The following AGBL1 variants were observed in gnomAD, a reference collection of about 807,000 sequenced individuals.
AGBL1 encodes cytosolic carboxypeptidase 4.
AGBL1 carries 130 observed loss-of-function variants against 118.9 expected under a neutral mutation model. That is an observed-to-expected ratio of 1.09 (90% confidence interval 0.95 to 1.26). The LOEUF (loss-of-function observed/expected upper bound fraction) is 1.26, where lower values mean the gene tolerates loss of function less well. Among genes scored for constraint, AGBL1 ranks in the 50% most tolerant of loss-of-function variants. The pLI is 0.00. For missense variants in AGBL1, 1,584 were observed against 1,298.1 expected, an observed-to-expected ratio of 1.22 and a Z score of -3.38; for synonymous variants, 555 against 478.9, an observed-to-expected ratio of 1.16 and a Z score of -2.08.
At chr15:86,815,626 C>T (rs907559399) in intron 22 of AGBL1, among the ~76,000 whole-genome samples, 10 of 152,168 alleles carry the variant, frequency 6.6e-5, no homozygotes, top group African/African-American at 2.4e-4. Context: ...AAGACAAGCA[C>T]CCAGGAGATA....
intron 18 of AGBL1, among the ~76,000 whole-genome samples, chr15:86,486,536 C>A (rs2082714661): frequency 6.6e-6 from 1 of 152,108 alleles, no homozygotes; most frequent in Admixed American, 6.6e-5. Flanking sequence ...AAAACCCAGG[C>A]ACCTGGGCAC....
chr15:87,014,672 C>T (rs1173718331), intron 24 of AGBL1, among the ~76,000 whole-genome samples: 5 of 152,186 alleles, frequency 3.3e-5, no homozygotes, highest in Non-Finnish European at 4.4e-5. Flanking sequence ...GAAGAGTACC[C>T]GGATATTTCA....
chr15:86,741,476 G>C (rs2077679300), intron 22 of AGBL1, among the ~76,000 whole-genome samples: 2 of 131,098 alleles, frequency 1.5e-5, no homozygotes, highest in Admixed American at 8.0e-5. Flanking sequence ...TGAATGATTA[G>C]AAAGAAAATA....
intron 22 of AGBL1, among the ~76,000 whole-genome samples, chr15:86,889,148 T>C (rs2080014239): frequency 6.6e-6 from 1 of 152,112 alleles, no homozygotes; most frequent in African/African-American, 2.4e-5. Flanking sequence ...CATGCCATAG[T>C]TTATCCTTAT....
At chr15:86,533,901 G>T (rs2142224797) in intron 19 of AGBL1, among the ~76,000 whole-genome samples, 1 of 87,614 alleles carries the variant, frequency 1.1e-5, no homozygotes, top group Non-Finnish European at 2.1e-5. Context: ...TCATAGGTGG[G>T]AATTGAACAA....
intron 22 of AGBL1, among the ~76,000 whole-genome samples, chr15:86,858,315 G>C (rs969201304): frequency 1.3e-5 from 2 of 152,186 alleles, no homozygotes; most frequent in African/African-American, 4.8e-5. Context: ...TCAGTGTCAT[G>C]GGGCCTTGTG....
At chr15:86,286,146 A>G (rs1480155730) in intron 16 of AGBL1, among the ~76,000 whole-genome samples, 1 of 148,670 alleles carries the variant, frequency 6.7e-6, no homozygotes, top group East Asian at 2.0e-4. Flanking sequence ...TTTATTATTT[A>G]TTTTTAATTT....
chr15:86,616,463 G>A (rs545648790), intron 21 of AGBL1, among the ~76,000 whole-genome samples: 10 of 152,120 alleles, frequency 6.6e-5, no homozygotes, highest in Non-Finnish European at 1.0e-4. Flanking sequence ...AGTGGGCAGG[G>A]TGATAAAATG....
intron 17 of AGBL1, among the ~76,000 whole-genome samples, chr15:86,324,188 G>A (rs987192764): frequency 1.3e-5 from 2 of 152,176 alleles, no homozygotes; most frequent in Non-Finnish European, 2.9e-5. Flanking sequence ...AAGAATTAAT[G>A]ATTTTCTTAG....
At chr15:86,295,969 CAT>C (rs1187283053) in intron 17 of AGBL1, 1 of 154,276 alleles carries the variant, frequency 6.5e-6, no homozygotes, top group Non-Finnish European at 1.4e-5. Context: ...TAGACAAACA[CAT>C]AGACACATGT....
chr15:86,391,137 T>C (rs2081276470), intron 17 of AGBL1, among the ~76,000 whole-genome samples: 2 of 152,110 alleles, frequency 1.3e-5, no homozygotes, highest in South Asian at 4.1e-4. Context: ...ATCATGATCA[T>C]TTGATTTTAC....
At chr15:86,766,641 T>C (rs1217934199) in intron 22 of AGBL1, among the ~76,000 whole-genome samples, 1 of 151,940 alleles carries the variant, frequency 6.6e-6, no homozygotes, top group Non-Finnish European at 1.5e-5. Flanking sequence ...TATTCATCCA[T>C]TTGTCCATTT....
At chr15:86,504,187 A>G (rs1318426788) in intron 18 of AGBL1, among the ~76,000 whole-genome samples, 1 of 151,560 alleles carries the variant, frequency 6.6e-6, no homozygotes, top group African/African-American at 2.4e-5. Context: ...TGTTTCTTGT[A>G]ACTGTTTGTG....
intron 1 of AGBL1, among the ~76,000 whole-genome samples, chr15:86,102,993 G>C (rs933346573): frequency 1.3e-5 from 2 of 152,072 alleles, no homozygotes; most frequent in African/African-American, 4.8e-5. Flanking sequence ...GTCATGTAGG[G>C]TTTGTTCATT....
At chr15:86,772,088 G>A (rs754935009) in intron 22 of AGBL1, among the ~76,000 whole-genome samples, 1 of 152,024 alleles carries the variant, frequency 6.6e-6, no homozygotes, top group Non-Finnish European at 1.5e-5. Flanking sequence ...AGGCCGGGAG[G>A]TCACTGTAGT....
At chr15:86,285,993 AT>A (rs963958604) in intron 16 of AGBL1, among the ~76,000 whole-genome samples, 1 of 151,126 alleles carries the variant, frequency 6.6e-6, no homozygotes, top group African/African-American at 2.4e-5. Flanking sequence ...TCTAGATTTT[AT>A]TTTTTTTTAA....
intron 22 of AGBL1, among the ~76,000 whole-genome samples, chr15:86,705,785 C>A (rs971230755): frequency 6.6e-6 from 1 of 152,090 alleles, no homozygotes; most frequent in African/African-American, 2.4e-5. Flanking sequence ...TCTCACAGAG[C>A]ACATCAAGGT....
At chr15:86,109,486 A>G (rs1185176621) in intron 1 of AGBL1, among the ~76,000 whole-genome samples, 1 of 152,226 alleles carries the variant, frequency 6.6e-6, no homozygotes, top group African/African-American at 2.4e-5. Flanking sequence ...TATTCATATG[A>G]CATTTTATAT....
Position 86,301,399 on chromosome 15 carries a change from CT to C in AGBL1, c.2374+6003del, listed in dbSNP as rs373724808. Among the ~76,000 whole-genome samples, 396 of 141,782 alleles carry C rather than the reference CT, an allele frequency of 2.8e-3. 1 individual carries two copies. Among genetic ancestry groups the C allele is most frequent in the African/African-American group, 6.9e-3 (266 of 38,814 alleles). The allele number at this position is 141,782 out of a possible 152,430, so 93.0% of individuals were successfully genotyped here. A position where few individuals can be genotyped will look rare whatever the true frequency, so the allele number is the denominator to read the frequency against. ...CCTCAGCCTCTTGTCTCTTGGCAAT[CT>C]TTTTTTTTTTTCTGGAAAGTGATGC... On this transcript the variant is annotated intron_variant, in intron 17 of 22. Coordinates refer to ENST00000614907, the MANE Select transcript of AGBL1 (RefSeq NM_001386094.1).
Sources: allele counts gnomAD v4.1 joint callset (sites outside exome capture counted in the v4.1 genomes callset), GRCh38; gene constraint gnomAD v4.1.1; transcripts MANE v1.5; gene names NCBI Gene and HGNC (gene_info 2026-07-23, HGNC 2026-07-21).